TAS2R1: variants seen among roughly 807,000 people sequenced by gnomAD.
TAS2R1 encodes the protein taste receptor type 2 member 1.
For missense variants in TAS2R1, 370 were observed against 353.4 expected (o/e 1.05, Z -0.38); for synonymous variants, 141 against 134.2 (o/e 1.05, Z -0.35).
the TAS2R1 span, among the ~76,000 whole-genome samples, chr5:9,817,953 A>C: frequency 6.6e-6 from 1 of 152,114 alleles, no homozygotes; most frequent in Non-Finnish European, 1.5e-5. Flanking sequence ...TCACCATCAC[A>C]AAAATAGCAT....
intron 1 of TAS2R1, among the ~76,000 whole-genome samples, chr5:9,697,495 G>C (rs1315467749): frequency 6.6e-6 from 1 of 152,006 alleles, no homozygotes; most frequent in African/African-American, 2.4e-5. Context: ...ATAAATTAAA[G>C]TTCAAGTCCA....
At chr5:9,653,714 C>T (rs1034546488) in intron 2 of TAS2R1, among the ~76,000 whole-genome samples, 1 of 152,126 alleles carries the variant, frequency 6.6e-6, no homozygotes, top group East Asian at 1.9e-4. Flanking sequence ...TCTTAACCTC[C>T]AGAAAACATA....
chr5:9,839,740 G>GTCAGA, the TAS2R1 span, among the ~76,000 whole-genome samples: 2 of 152,106 alleles, frequency 1.3e-5, no homozygotes, highest in Non-Finnish European at 2.9e-5. Context: ...GTGCAGTGCT[G>GTCAGA]TCAGAAGTTG....
chr5:9,673,121 A>G (rs1029459327), intron 1 of TAS2R1, among the ~76,000 whole-genome samples: 10 of 152,124 alleles, frequency 6.6e-5, no homozygotes, highest in Admixed American at 5.9e-4. Flanking sequence ...GAAGGGAACA[A>G]TAGACACTGC....
At chr5:9,754,849 C>T in the TAS2R1 span, among the ~76,000 whole-genome samples, 1 of 152,168 alleles carries the variant, frequency 6.6e-6, no homozygotes, top group African/African-American at 2.4e-5. Flanking sequence ...ATGCCATCCC[C>T]ATCAAGCTAC....
chr5:9,826,522 C>T, the TAS2R1 span, among the ~76,000 whole-genome samples: 2 of 152,024 alleles, frequency 1.3e-5, no homozygotes, highest in East Asian at 1.9e-4. Context: ...CAAATAGGTA[C>T]ATAAGAAGAA....
chr5:9,872,815 G>C, the TAS2R1 span, among the ~76,000 whole-genome samples: 2 of 152,194 alleles, frequency 1.3e-5, no homozygotes, highest in East Asian at 3.8e-4. Context: ...ACCATACTCT[G>C]TCAGGTATAA....
At chr5:9,755,339 G>A in the TAS2R1 span, among the ~76,000 whole-genome samples, 3 of 152,180 alleles carry the variant, frequency 2.0e-5, no homozygotes, top group African/African-American at 4.8e-5. Context: ...TGTAATCCCA[G>A]CACTTTGGGA....
At chr5:9,761,315 T>C in the TAS2R1 span, among the ~76,000 whole-genome samples, 2 of 152,176 alleles carry the variant, frequency 1.3e-5, no homozygotes, top group Non-Finnish European at 2.9e-5. Context: ...TTCTCATTTT[T>C]TATTTTCCTT....
the TAS2R1 span, among the ~76,000 whole-genome samples, chr5:9,863,826 C>T: frequency 6.6e-6 from 1 of 152,096 alleles, no homozygotes; most frequent in Non-Finnish European, 1.5e-5. Flanking sequence ...GTGAACACAC[C>T]CCTCCCCTTC....
rs1740819406 is a variant in TAS2R1 at position 9,673,933 on chromosome 5, A to T, written c.-241-14352T>A. ...TAGCTGCAGCCCAATCCCTGCACCCACCCATTGGCTCCCACCCAATGCTCC... is the reference window on the plus strand; with the variant it reads ...TAGCTGCAGCCCAATCCCTGCACCCTCCCATTGGCTCCCACCCAATGCTCC... On this transcript the variant is annotated intron_variant, in intron 1 of 2. Transcript: ENST00000506620. Among the ~76,000 whole-genome samples, 3 of 152,166 alleles carry T rather than the reference A, an allele frequency of 2.0e-5. No individual in the cohort carries two copies. In the South Asian group the frequency reaches 6.2e-4, roughly 32 times the overall value.
intron 1 of TAS2R1, chr5:9,712,026 G>T (rs1405089916): frequency 1.0e-5 from 1 of 96,858 alleles, no homozygotes; most frequent in Non-Finnish European, 2.1e-5. Flanking sequence ...AAGGAAGGAA[G>T]GAAGGGAGGG....
chr5:9,630,742 T>C (rs1311238630), upstream of TAS2R1, among the ~76,000 whole-genome samples: 1 of 152,226 alleles, frequency 6.6e-6, no homozygotes, highest in Non-Finnish European at 1.5e-5. Flanking sequence ...GGTCAGCATC[T>C]GCAGAGTAAT....
At chr5:9,757,676 T>C in the TAS2R1 span, among the ~76,000 whole-genome samples, 3 of 152,186 alleles carry the variant, frequency 2.0e-5, no homozygotes, top group African/African-American at 7.2e-5. Context: ...AATTACCCAT[T>C]AATTAGCTTA....
intron 2 of TAS2R1, among the ~76,000 whole-genome samples, chr5:9,651,834 CA>C (rs1271913642): frequency 2.0e-5 from 3 of 152,078 alleles, no homozygotes; most frequent in Admixed American, 6.5e-5. Context: ...ACTTCAGTGC[CA>C]AGCATCTGAG....
the TAS2R1 span, among the ~76,000 whole-genome samples, chr5:9,778,974 GT>G: frequency 1.3e-5 from 2 of 152,222 alleles, no homozygotes; most frequent in East Asian, 3.8e-4. Context: ...CTTTCAGCCT[GT>G]TTTGGCTTTC....
At chr5:9,794,347 G>A in the TAS2R1 span, among the ~76,000 whole-genome samples, 3 of 152,198 alleles carry the variant, frequency 2.0e-5, no homozygotes, top group African/African-American at 7.2e-5. Context: ...TTTATTGTAA[G>A]TCTATCCTGT....
At chr5:9,714,801 G>A (rs947990613), upstream of TAS2R1, among the ~76,000 whole-genome samples, 1 of 152,242 alleles carries the variant, frequency 6.6e-6, no homozygotes, top group Admixed American at 6.5e-5. Flanking sequence ...AAAGATCGAA[G>A]AGCCAATCTA....
chr5:9,749,238 AC>A, the TAS2R1 span, among the ~76,000 whole-genome samples: 1 of 152,212 alleles, frequency 6.6e-6, no homozygotes, highest in Non-Finnish European at 1.5e-5. Context: ...TCAGTAAGAC[AC>A]AAGCTACCCT....
Sources: allele counts gnomAD v4.1 joint callset (sites outside exome capture counted in the v4.1 genomes callset), GRCh38; gene constraint gnomAD v4.1.1; transcripts MANE v1.5; gene names NCBI Gene and HGNC (gene_info 2026-07-23, HGNC 2026-07-21).